The following PCGF3 variants were observed in gnomAD, a reference collection of about 807,000 sequenced individuals.
PCGF3 encodes polycomb group RING finger protein 3.
A neutral mutation model predicts 33.1 loss-of-function variants in PCGF3; 7 were observed. The ratio of observed to expected loss-of-function variants is 0.21; its 90% CI spans 0.12 to 0.40. The LOEUF is 0.40. Among genes scored for constraint, PCGF3 ranks in the 10% least tolerant of loss-of-function variants. PCGF3 has a pLI of 1.00. For missense variants in PCGF3, 211 were observed against 313.3 expected, an observed-to-expected ratio of 0.67 and a Z score of 2.46; for synonymous variants, 153 against 121.3, an observed-to-expected ratio of 1.26 and a Z score of -1.72.
intron 9 of PCGF3, among the ~76,000 whole-genome samples, chr4:763,172 C>A (rs1048280818): frequency 7.9e-5 from 12 of 152,168 alleles, no homozygotes; most frequent in Admixed American, 1.3e-4. Flanking sequence ...TGGGGCAACG[C>A]TTTTTGCTAA....
At position 726,128 on chromosome 4, in the gene PCGF3, C is replaced by T. The variant is rs1577406114; in HGVS notation, c.-189-4502C>T. Among the ~76,000 whole-genome samples the T allele has an allele frequency of 3.9e-5, 6 of 152,192 alleles. 1 individual carries two copies. Among genetic ancestry groups the T allele is most frequent in the Admixed American group, 3.9e-4 (6 of 15,288 alleles). On this transcript the variant is annotated intron_variant, in intron 1 of 10. Transcript: ENST00000362003. Reference sequence around the variant, plus strand: ...AATGGTCTCGTGGGTGCGCACCTGGCCTGTGTGGCGCTGCGGCCGTGGCTT... The same window carrying T: ...AATGGTCTCGTGGGTGCGCACCTGGTCTGTGTGGCGCTGCGGCCGTGGCTT...
At chr4:732,367 T>TTCTCCTTCCCCTCCCCTCCCG (rs1743628094) in intron 3 of PCGF3, 1 of 133,542 alleles carries the variant, frequency 7.5e-6, no homozygotes, top group Non-Finnish European at 1.6e-5. Context: ...CTCCCCTCCC[T>TTCTCCTTCCCCTCCCCTCCCG]TCTCCTTCCC....
Position 731,409 on chromosome 4 carries a change from G to C in PCGF3, c.-10+299G>C, listed in dbSNP as rs1345291512. 8.0e-6 allele frequency: 3 copies of C among 375,030 alleles called. No individual in the cohort carries two copies. In the South Asian group the frequency reaches 3.6e-4, roughly 44 times the overall value. The allele number at this position is 375,030 out of a possible 1,614,324, so 23.2% of individuals were successfully genotyped here. The stretch of plus-strand genomic sequence containing the variant: ...CAGTGCTGCTTGGGGGCCGAGCCTG[G>C]GGCCTCAGCCCAGTGAGTTGTGAGG... On this transcript the variant is annotated intron_variant, in intron 3 of 10. Transcript: ENST00000362003.
intron 3 of PCGF3, among the ~76,000 whole-genome samples, chr4:731,596 G>A (rs1419294720): frequency 3.4e-5 from 4 of 116,858 alleles, no homozygotes; most frequent in Non-Finnish European, 5.9e-5. Context: ...GGCATAGGGC[G>A]GGGCTCCCCT....
chr4:729,144 G>GA (rs887253170), intron 1 of PCGF3, among the ~76,000 whole-genome samples: 6 of 148,622 alleles, frequency 4.0e-5, no homozygotes, highest in African/African-American at 1.5e-4. Flanking sequence ...GCTGGGCACG[G>GA]TGGCTCACAC....
At chr4:756,136 A>G (rs1199347652) in intron 8 of PCGF3, among the ~76,000 whole-genome samples, 1 of 150,832 alleles carries the variant, frequency 6.6e-6, no homozygotes, top group Non-Finnish European at 1.5e-5. Context: ...GCTGGTCTTG[A>G]ACTCTTAACC....
In PCGF3 at chr4:733,631, G is replaced by A. The variant is rs1743713326; in HGVS notation, c.-9-41G>A. 5.1e-6 allele frequency: 8 copies of A among 1,567,668 alleles called. No homozygotes were observed. The East Asian group carries it at 1.1e-4, about 22-fold the overall frequency. On this transcript the variant is annotated intron_variant, in intron 3 of 10. Transcript: ENST00000362003. ...AGCTCAGCCAAGGATGAAAGGCATG[G>A]AAGAGTTTCAGGTGTTAATTAATCG...
At chr4:726,959 C>T (rs928942925) in intron 1 of PCGF3, among the ~76,000 whole-genome samples, 1 of 152,210 alleles carries the variant, frequency 6.6e-6, no homozygotes, top group African/African-American at 2.4e-5. Context: ...CCTGTGTCCT[C>T]CCACCAGACT....
At chr4:731,196 T>G (rs1371161345) in intron 3 of PCGF3, 86 bp downstream of exon 3, 1 of 398,268 alleles carries the variant, frequency 2.5e-6, no homozygotes, top group African/African-American at 2.1e-5. Flanking sequence ...CGGCGATCAT[T>G]AGGAGCCAGC....
At chr4:732,756 C>G (rs968395001) in intron 3 of PCGF3, among the ~76,000 whole-genome samples, 1 of 152,226 alleles carries the variant, frequency 6.6e-6, no homozygotes, top group East Asian at 1.9e-4. Flanking sequence ...GAGGGAAACT[C>G]GTGCCTGCTG....
intron 6 of PCGF3, among the ~76,000 whole-genome samples, chr4:740,391 C>A (rs1342001385): frequency 6.6e-6 from 1 of 152,158 alleles, no homozygotes; most frequent in African/African-American, 2.4e-5. Context: ...ATTTTAGAAA[C>A]CTGTCTTCGT....
chr4:716,783 G>A (rs1402084088), intron 1 of PCGF3, among the ~76,000 whole-genome samples: 6 of 130,162 alleles, frequency 4.6e-5, no homozygotes, highest in East Asian at 2.6e-4. Context: ...GTGAGAACTG[G>A]GCGTCGGTGC....
chr4:750,886 G>A (rs555957211), intron 8 of PCGF3, among the ~76,000 whole-genome samples: 1 of 151,710 alleles, frequency 6.6e-6, no homozygotes, highest in African/African-American at 2.4e-5. Context: ...TCTAACCCCC[G>A]ATTCTCTTGT....
At position 764,777 on chromosome 4, in the gene PCGF3, G is replaced by A. The variant is rs11932044; in HGVS notation, c.601-207G>A. ...ATCTTATATGTTGCACTGGATTTCC[G>A]TTCAGCTGTGAGGTAGGGACCACAC... On this transcript the variant is annotated intron_variant, in intron 9 of 10. Coordinates refer to ENST00000362003, the Ensembl canonical transcript of PCGF3. The A allele has an allele frequency of 3.1e-3, 1,661 of 538,856 alleles. 28 individuals are homozygous for A. The highest frequency in any genetic ancestry group is 0.027 in the African/African-American group (1,406 of 52,046). The allele number at this position is 538,856 out of a possible 1,614,324, so 33.4% of individuals were successfully genotyped here.
At chr4:734,755 T>C (rs1743759724) in intron 4 of PCGF3, 176 bp from the exon 5 acceptor site, 1 of 1,383,856 alleles carries the variant, frequency 7.2e-7, no homozygotes, top group Non-Finnish European at 9.4e-7. Flanking sequence ...TTCTCATTGC[T>C]CCTGAGACCA....
intron 5 of PCGF3, among the ~76,000 whole-genome samples, chr4:736,666 GTGTCTCC>G: frequency 7.5e-6 from 1 of 133,094 alleles, no homozygotes; most frequent in Admixed American, 7.2e-5. Context: ...CACAGGGACG[GTGTCTCC>G]TGAGCGCACA....
chr4:764,850 C>T (rs78261751), intron 9 of PCGF3, 134 bp from the exon 10 acceptor site: 31,073 of 631,416 alleles, frequency 0.049, 1,052 homozygotes, highest in South Asian at 0.1. Flanking sequence ...ATGAACCAGC[C>T]CCCCCCACCC....
intron 1 of PCGF3, among the ~76,000 whole-genome samples, chr4:726,095 C>A (rs1343721844): frequency 6.6e-6 from 1 of 152,214 alleles, no homozygotes; most frequent in African/African-American, 2.4e-5. Context: ...CAGAGGCTGG[C>A]GGGCAGGAAT....
At chr4:757,555 A>T (rs1402251057) in intron 8 of PCGF3, 2 of 152,180 alleles carry the variant, frequency 1.3e-5, no homozygotes, top group African/African-American at 4.8e-5. Context: ...TACTTGTGTG[A>T]TATTTCTGTT....
Sources: allele counts gnomAD v4.1 joint callset (sites outside exome capture counted in the v4.1 genomes callset), GRCh38; gene constraint gnomAD v4.1.1; transcripts MANE v1.5; gene names NCBI Gene and HGNC (gene_info 2026-07-23, HGNC 2026-07-21).